TFCP2L1: variants seen among roughly 807,000 people sequenced by gnomAD.
TFCP2L1 encodes transcription factor CP2 like 1.
In TFCP2L1, 12 loss-of-function variants were observed where a neutral mutation model predicts 72.2. That is an observed-to-expected ratio of 0.17 (90% CI 0.11 to 0.27). The LOEUF (loss-of-function observed/expected upper bound fraction) is 0.27. Ranked by LOEUF, TFCP2L1 falls within the 10% of genes least tolerant of loss-of-function variation. TFCP2L1 has a pLI of 1.00. For synonymous variants in TFCP2L1, 260 were observed against 251.0 expected, an observed-to-expected ratio of 1.04 and a Z score of -0.34; for missense variants, 488 against 624.6, an observed-to-expected ratio of 0.78 and a Z score of 2.33.
Position 121,223,745 on chromosome 2 carries a change from T to C in TFCP2L1, c.*596A>G, listed in dbSNP as rs1182812856. The stretch of plus-strand genomic sequence containing the variant: ...AGAAACAACGTAGAGAAGAAAGAGG[T>C]AGAAGGCACAGAATAGCCCCACTCC... On this transcript the variant is annotated 3_prime_UTR_variant, in exon 15 of 15. Coordinates refer to ENST00000263707, the MANE Select transcript of TFCP2L1 (RefSeq NM_014553.3). 1.9e-5 allele frequency: 3 copies of C among 154,744 alleles called. No individual in the cohort carries two copies. The highest frequency in any genetic ancestry group is 1.9e-4 in the East Asian group (1 of 5,200). The allele number at this position is 154,744 out of a possible 1,614,324, so 9.6% of individuals were successfully genotyped here. A position where few individuals can be genotyped will look rare whatever the true frequency, so the allele number is the denominator to read the frequency against.
chr2:121,281,766 A>AACAAACC (rs1398831139), intron 1 of TFCP2L1, among the ~76,000 whole-genome samples: 2 of 152,132 alleles, frequency 1.3e-5, no homozygotes, highest in African/African-American at 4.8e-5. Flanking sequence ...TATGCAAATG[A>AACAAACC]ACAAACCACT....
At chr2:121,259,530 C>A (rs1686792702) in intron 2 of TFCP2L1, among the ~76,000 whole-genome samples, 1 of 152,108 alleles carries the variant, frequency 6.6e-6, no homozygotes, top group South Asian at 2.1e-4. Flanking sequence ...ACATACTAAC[C>A]ATAATAACTT....
chr2:121,249,556 G>A lies in TFCP2L1; in HGVS notation c.291+15C>T. On this transcript the variant is annotated intron_variant, in intron 3 of 14. Coordinates refer to ENST00000263707, the MANE Select transcript of TFCP2L1 (RefSeq NM_014553.3). ...CCCTCTCCCCGAGGCAATGAGAACA[G>A]CCTGTGAGGCTTACCTTGACATATT... The A allele has an allele frequency of 6.2e-7, 1 of 1,613,644 alleles. No homozygotes were observed.
intron 2 of TFCP2L1, among the ~76,000 whole-genome samples, chr2:121,279,043 G>A (rs1687204153): frequency 6.6e-6 from 1 of 151,998 alleles, no homozygotes; most frequent in Non-Finnish European, 1.5e-5. Context: ...GAAAGGTAAG[G>A]AACTCAGCTA....
At position 121,222,182 on chromosome 2, in the gene TFCP2L1, C is replaced by T. The variant is rs1235977131; in HGVS notation, c.*2159G>A. Reference sequence around the variant, plus strand: ...TGATGAGGATGTAGACAAATTGAAACCTGGATACATTGCTGGTGGGAATGT... The same window carrying T: ...TGATGAGGATGTAGACAAATTGAAATCTGGATACATTGCTGGTGGGAATGT... On this transcript the variant is annotated 3_prime_UTR_variant, in exon 15 of 15. Coordinates refer to ENST00000263707, the MANE Select transcript of TFCP2L1 (RefSeq NM_014553.3). The T allele has an allele frequency of 6.6e-6, 1 of 152,094 alleles. No homozygotes were observed. The highest frequency in any genetic ancestry group is 2.4e-5 in the African/African-American group (1 of 41,392). The allele number at this position is 152,094 out of a possible 1,614,324, so 9.4% of individuals were successfully genotyped here.
At chr2:121,224,425 A>G in intron 14 of TFCP2L1, 38 bp from the exon 15 acceptor site, 2 of 1,609,842 alleles carry the variant, frequency 1.2e-6, no homozygotes, top group South Asian at 2.2e-5. Flanking sequence ...TCACAGGAAA[A>G]AAGGTGCAGT....
chr2:121,239,143 C>A (rs1686310362), intron 8 of TFCP2L1, among the ~76,000 whole-genome samples: 1 of 152,078 alleles, frequency 6.6e-6, no homozygotes, highest in Non-Finnish European at 1.5e-5. Flanking sequence ...GGCCTGAAAC[C>A]CAAGGCAGAG....
intron 1 of TFCP2L1, 92 bp downstream of exon 1, chr2:121,284,956 G>T: frequency 1.7e-6 from 2 of 1,171,810 alleles, no homozygotes; most frequent in South Asian, 2.0e-5. Context: ...CCAGGGCCCA[G>T]CAGGGGCGCC....
At chr2:121,236,464 G>A (rs530986301) in intron 10 of TFCP2L1, among the ~76,000 whole-genome samples, 11 of 152,272 alleles carry the variant, frequency 7.2e-5, no homozygotes, top group Admixed American at 2.0e-4. Context: ...CAAAGCCCAA[G>A]GGGTCCCCGA....
intron 2 of TFCP2L1, among the ~76,000 whole-genome samples, chr2:121,267,896 G>A (rs1014542319): frequency 6.6e-6 from 1 of 152,148 alleles, no homozygotes; most frequent in Non-Finnish European, 1.5e-5. Context: ...AAACAACAAA[G>A]AAGTCCAGGC....
In TFCP2L1 at chr2:121,224,949, C is replaced by T. The variant is rs543583213; in HGVS notation, c.1394-562G>A. Among the ~76,000 whole-genome samples the T allele has an allele frequency of 3.4e-4, 52 of 151,160 alleles. 3 individuals are homozygous for T. The South Asian group carries it at 0.01, about 30-fold the overall frequency. Reference sequence around the variant, plus strand: ...GCAGTGAGCTGAGATCGCGCCATTGCCCTCCAGCCTGGGTGACAGAGCAAG... The same window carrying T: ...GCAGTGAGCTGAGATCGCGCCATTGTCCTCCAGCCTGGGTGACAGAGCAAG... On this transcript the variant is annotated intron_variant, in intron 14 of 14. Coordinates refer to ENST00000263707, the MANE Select transcript of TFCP2L1 (RefSeq NM_014553.3).
At chr2:121,261,279 T>C (rs1016593796) in intron 2 of TFCP2L1, among the ~76,000 whole-genome samples, 1 of 152,196 alleles carries the variant, frequency 6.6e-6, no homozygotes, top group African/African-American at 2.4e-5. Context: ...TGGCGTAAGA[T>C]GAATCCAAGT....
At chr2:121,244,934 G>A (rs369476421) in intron 6 of TFCP2L1, among the ~76,000 whole-genome samples, 1 of 152,132 alleles carries the variant, frequency 6.6e-6, no homozygotes, top group Non-Finnish European at 1.5e-5. Context: ...AAATACCACA[G>A]GGCCGCCACG....
At chr2:121,239,307 C>T (rs1686313400) in intron 8 of TFCP2L1, among the ~76,000 whole-genome samples, 1 of 152,180 alleles carries the variant, frequency 6.6e-6, no homozygotes, top group African/African-American at 2.4e-5. Flanking sequence ...GGTGGCTGAC[C>T]GCATGCACCC....
In TFCP2L1 at chr2:121,223,482, T is replaced by C. The variant is rs985182547; in HGVS notation, c.*859A>G. 6.6e-6 allele frequency: 1 copy of C among 152,184 alleles called. No homozygotes were observed. Among genetic ancestry groups the C allele is most frequent in the Admixed American group, 6.5e-5 (1 of 15,290 alleles). 9.4% of individuals were successfully genotyped at this position (152,184 alleles called of 1,614,324 possible). ...CATCCAAGAGGGCCTGGTATTGTGG[T>C]GGTCAAGGTCATCTGATGACACCTA... On this transcript the variant is annotated 3_prime_UTR_variant, in exon 15 of 15. Coordinates refer to ENST00000263707, the MANE Select transcript of TFCP2L1 (RefSeq NM_014553.3).
At chr2:121,249,869 C>T (rs965720345) in intron 2 of TFCP2L1, among the ~76,000 whole-genome samples, 14 of 152,312 alleles carry the variant, frequency 9.2e-5, no homozygotes, top group African/African-American at 2.6e-4. Context: ...GACAACACAC[C>T]GTGTGACCCT....
chr2:121,277,505 T>A (rs1687171050), intron 2 of TFCP2L1, among the ~76,000 whole-genome samples: 1 of 152,258 alleles, frequency 6.6e-6, no homozygotes, highest in African/African-American at 2.4e-5. Flanking sequence ...AAAGCCTCAA[T>A]GTTCAAATCC....
chr2:121,266,812 CT>C (rs1686939346), intron 2 of TFCP2L1, among the ~76,000 whole-genome samples: 1 of 152,170 alleles, frequency 6.6e-6, no homozygotes. Context: ...AACAGAAAAT[CT>C]TTTGGCTGGC....
intron 10 of TFCP2L1, among the ~76,000 whole-genome samples, chr2:121,235,579 T>C (rs35946635): frequency 0.34 from 45,019 of 134,190 alleles, 9,201 homozygotes; most frequent in Non-Finnish European, 0.47. Flanking sequence ...TCTTTCTTTT[T>C]TTTTTTTTTT....
Sources: allele counts gnomAD v4.1 joint callset (sites outside exome capture counted in the v4.1 genomes callset), GRCh38; gene constraint gnomAD v4.1.1; transcripts MANE v1.5; gene names NCBI Gene and HGNC (gene_info 2026-07-23, HGNC 2026-07-21).